NDUFB1: variants seen among roughly 807,000 people sequenced by gnomAD.
NDUFB1 encodes the protein NADH:ubiquinone oxidoreductase subunit B1.
In NDUFB1, 6 loss-of-function variants were observed where a neutral mutation model predicts 6.7. The observed-to-expected ratio is 0.89, with a 90% CI of 0.49 to 1.76. NDUFB1 has a LOEUF of 1.76. Among genes scored for constraint, NDUFB1 ranks in the 40% most tolerant of loss-of-function variants. The pLI is 0.01. For synonymous variants in NDUFB1, 17 were observed against 22.9 expected, an observed-to-expected ratio of 0.74 and a Z score of 0.74; for missense variants, 56 against 71.0, an observed-to-expected ratio of 0.79 and a Z score of 0.76.
At chr14:92,120,862 C>G (rs1428475772) in intron 1 of NDUFB1, among the ~76,000 whole-genome samples, 1 of 145,094 alleles carries the variant, frequency 6.9e-6, no homozygotes, top group East Asian at 2.5e-4. Flanking sequence ...ATACTTTTGT[C>G]TTTTAAAAGG....
intron 1 of NDUFB1, chr14:92,118,986 A>G: frequency 2.8e-6 from 1 of 351,268 alleles, no homozygotes; most frequent in Non-Finnish European, 5.3e-6. Flanking sequence ...AAAAAAAAGA[A>G]AGAAAAAAAA....
chr14:92,119,555 TGA>T (rs2068738843), intron 1 of NDUFB1, among the ~76,000 whole-genome samples: 2 of 152,172 alleles, frequency 1.3e-5, no homozygotes, highest in Non-Finnish European at 2.9e-5. Context: ...TTTTAAATGC[TGA>T]GTTTCCAGAA....
At chr14:92,119,267 A>G (rs1488017457) in intron 1 of NDUFB1, among the ~76,000 whole-genome samples, 2 of 150,876 alleles carry the variant, frequency 1.3e-5, no homozygotes, top group Non-Finnish European at 2.9e-5. Flanking sequence ...ACCTGAGATC[A>G]CACCACTGTA....
chr14:92,121,067 CGGGAGAATCGCTT>C (rs1421218854), intron 1 of NDUFB1: 1 of 155,718 alleles, frequency 6.4e-6, no homozygotes, highest in Non-Finnish European at 1.4e-5. Flanking sequence ...GCTGCTGAGA[CGGGAGAATCGCTT>C]GAACCCGGGA....
intron 1 of NDUFB1, among the ~76,000 whole-genome samples, chr14:92,120,011 G>T (rs868541817): frequency 1.3e-5 from 2 of 151,892 alleles, no homozygotes; most frequent in Non-Finnish European, 2.9e-5. Context: ...CACATATGGG[G>T]GCATTTTGGA....
At chr14:92,116,822 G>A (rs12897890) in intron 2 of NDUFB1, among the ~76,000 whole-genome samples, 15 of 152,068 alleles carry the variant, frequency 9.9e-5, no homozygotes, top group Non-Finnish European at 1.6e-4. Flanking sequence ...GAGTTCATTC[G>A]AAATGTTTTC....
intron 1 of NDUFB1, among the ~76,000 whole-genome samples, chr14:92,119,733 T>G (rs1292257229): frequency 1.3e-5 from 2 of 152,142 alleles, no homozygotes; most frequent in African/African-American, 4.8e-5. Flanking sequence ...TATATATACC[T>G]TATACACATA....
chr14:92,116,564 A>T (rs1345777375), intron 2 of NDUFB1, among the ~76,000 whole-genome samples: 1 of 151,692 alleles, frequency 6.6e-6, no homozygotes, highest in East Asian at 1.9e-4. Flanking sequence ...CGAACTCCTG[A>T]CCTCAAGGAA....
At chr14:92,118,999 G>A in intron 1 of NDUFB1, 1 of 345,432 alleles carries the variant, frequency 2.9e-6, no homozygotes, top group Non-Finnish European at 5.5e-6. Flanking sequence ...AAAAAAAAAG[G>A]CAAAGGGAGA....
chr14:92,119,924 C>A (rs1162364417), intron 1 of NDUFB1, among the ~76,000 whole-genome samples: 1 of 151,988 alleles, frequency 6.6e-6, no homozygotes, highest in African/African-American at 2.4e-5. Context: ...TAAAAAAATT[C>A]TTTAAACATT....
At chr14:92,116,301 G>C in intron 2 of NDUFB1, 72 bp from the exon 3 acceptor site, 2 of 995,218 alleles carry the variant, frequency 2.0e-6, no homozygotes, top group Non-Finnish European at 3.1e-6. Context: ...AAAAGGGGAA[G>C]TCAGAAGAAT....
At chr14:92,120,716 G>A (rs1293666922) in intron 1 of NDUFB1, among the ~76,000 whole-genome samples, 10 of 147,476 alleles carry the variant, frequency 6.8e-5, no homozygotes, top group Admixed American at 3.4e-4. Context: ...CACCACGCCC[G>A]GCTAATTTTT....
chr14:92,120,702 G>A (rs948583699), intron 1 of NDUFB1, among the ~76,000 whole-genome samples: 1 of 138,658 alleles, frequency 7.2e-6, no homozygotes. Flanking sequence ...CTATAGGCAG[G>A]TGCCACCACG....
At chr14:92,116,531 C>T (rs563289864) in intron 2 of NDUFB1, among the ~76,000 whole-genome samples, 1 of 151,886 alleles carries the variant, frequency 6.6e-6, no homozygotes, top group Non-Finnish European at 1.5e-5. Context: ...GACGGGGTTT[C>T]ACCATGTTGG....
intron 1 of NDUFB1, 75 bp from the exon 2 acceptor site, chr14:92,117,717 G>A (rs2068726747): frequency 6.9e-7 from 1 of 1,443,960 alleles, no homozygotes; most frequent in Non-Finnish European, 9.5e-7. Context: ...TTGCATCTGG[G>A]CCAGGTGCGG....
chr14:92,121,307 G>A (rs2068760649), intron 1 of NDUFB1: 4 of 441,456 alleles, frequency 9.1e-6, no homozygotes, highest in South Asian at 5.4e-5. Context: ...GCTCGCGGAG[G>A]GGAGGCAGCG....
At position 92,117,596 on chromosome 14, in the gene NDUFB1, A is replaced by G; in HGVS notation, c.42T>C (p.His14=). The stretch of plus-strand genomic sequence containing the variant: ...TGACAAATCCCATAGGGACAAGAAC[A>G]TGAACCCAGTGGTCCCGCACAATCT... ...LLQIVRDHWV[H]VLVPMGFVIG... The change falls in exon 2 of 3, where the codon CAT becomes CAC. Residue 14 remains histidine (H), a synonymous_variant. Coordinates refer to ENST00000605997, the MANE Select transcript of NDUFB1 (RefSeq NM_004545.4). The G allele has an allele frequency of 1.2e-6, 2 of 1,614,138 alleles. No homozygotes were observed. Among genetic ancestry groups the G allele is most frequent in the Non-Finnish European group, 1.7e-6 (2 of 1,179,994 alleles).
intron 2 of NDUFB1, 64 bp downstream of exon 2, chr14:92,117,434 C>T: frequency 4.5e-6 from 7 of 1,550,360 alleles, no homozygotes; most frequent in African/African-American, 1.4e-5. Context: ...TTATTTTTGG[C>T]ACATATCAAA....
At chr14:92,121,505 C>A in intron 1 of NDUFB1, 137 bp downstream of exon 1, 1 of 1,297,904 alleles carries the variant, frequency 7.7e-7, no homozygotes, top group South Asian at 1.3e-5. Flanking sequence ...CCTTTCCCGT[C>A]ACCTTCGTTC....
Sources: allele counts gnomAD v4.1 joint callset (sites outside exome capture counted in the v4.1 genomes callset), GRCh38; gene constraint gnomAD v4.1.1; transcripts MANE v1.5; gene names NCBI Gene and HGNC (gene_info 2026-07-23, HGNC 2026-07-21).